Variants in LRRC4C observed in about 807,000 individuals in gnomAD.
The protein encoded by LRRC4C is leucine rich repeat containing 4C, also known as leucine-rich repeat-containing protein 4C.
In LRRC4C, 5 loss-of-function variants were observed where a neutral mutation model predicts 33.6. The observed-to-expected ratio is 0.15, with a 90% confidence interval of 0.08 to 0.31. The LOEUF is 0.31. LRRC4C is among the 10% of genes least tolerant of loss of function. The pLI is 1.00. For missense variants in LRRC4C, 560 were observed against 796.7 expected, an observed-to-expected ratio of 0.70 and a Z score of 3.58; for synonymous variants, 329 against 302.0, an observed-to-expected ratio of 1.09 and a Z score of -0.93.
chr11:40,131,197 T>C (rs1856621647), intron 6 of LRRC4C, among the ~76,000 whole-genome samples: 1 of 152,196 alleles, frequency 6.6e-6, no homozygotes, highest in Non-Finnish European at 1.5e-5. Flanking sequence ...ACTAATTTTA[T>C]AAAAACATAA....
chr11:41,440,215 G>A (rs1217567588), intron 1 of LRRC4C, among the ~76,000 whole-genome samples: 1 of 151,974 alleles, frequency 6.6e-6, no homozygotes, highest in Admixed American at 6.6e-5. Context: ...CATGGGTCCA[G>A]TTTCATTTTT....
At chr11:41,006,768 A>C (rs1447268481) in intron 1 of LRRC4C, among the ~76,000 whole-genome samples, 2 of 152,170 alleles carry the variant, frequency 1.3e-5, no homozygotes, top group African/African-American at 4.8e-5. Flanking sequence ...TAACACTGGA[A>C]ATTCTTTGTA....
At chr11:40,913,737 C>A (rs899302425) in intron 2 of LRRC4C, among the ~76,000 whole-genome samples, 3 of 152,030 alleles carry the variant, frequency 2.0e-5, no homozygotes, top group Admixed American at 1.3e-4. Flanking sequence ...AAAAACCCTT[C>A]AAAAAATCAG....
chr11:40,854,946 G>A lies in LRRC4C; in HGVS notation c.-407+78689C>T, dbSNP rs79616248. Among the ~76,000 whole-genome samples the A allele has an allele frequency of 1.9e-3, 290 of 152,168 alleles. 2 individuals are homozygous for A. The highest frequency in any genetic ancestry group is 6.8e-3 in the African/African-American group (282 of 41,550). On this transcript the variant is annotated intron_variant, in intron 2 of 6. Transcript: ENST00000528697. ...TTGGCCAAATATAAAAGACACATAT[G>A]CTAAAACGAATATTTAGAAAAAGAT...
At chr11:40,320,977 G>GA (rs368867914) in intron 3 of LRRC4C, among the ~76,000 whole-genome samples, 2 of 151,896 alleles carry the variant, frequency 1.3e-5, no homozygotes, top group Non-Finnish European at 2.9e-5. Flanking sequence ...TGTATTACTT[G>GA]AAAAAAAATT....
chr11:41,010,307 C>A (rs1855080329), intron 1 of LRRC4C, among the ~76,000 whole-genome samples: 1 of 152,100 alleles, frequency 6.6e-6, no homozygotes, highest in Admixed American at 6.6e-5. Context: ...GCCATGCAGT[C>A]TTTTGAGTAC....
intron 1 of LRRC4C, among the ~76,000 whole-genome samples, chr11:41,023,224 A>G (rs1856107885): frequency 6.6e-6 from 1 of 151,882 alleles, no homozygotes; most frequent in South Asian, 2.1e-4. Flanking sequence ...TATAAATCAT[A>G]TTAACAAATT....
At chr11:41,017,069 C>G (rs571871922) in intron 1 of LRRC4C, among the ~76,000 whole-genome samples, 1 of 152,196 alleles carries the variant, frequency 6.6e-6, no homozygotes, top group East Asian at 1.9e-4. Flanking sequence ...AATTTGAAAT[C>G]AAGAGAGCAT....
chr11:40,549,187 C>T (rs1394162013), intron 3 of LRRC4C, among the ~76,000 whole-genome samples: 2 of 152,082 alleles, frequency 1.3e-5, no homozygotes, highest in Admixed American at 1.3e-4. Flanking sequence ...AGATTTCCTT[C>T]CTTTATAACC....
chr11:41,029,097 T>C (rs777834772), intron 1 of LRRC4C, among the ~76,000 whole-genome samples: 18 of 151,786 alleles, frequency 1.2e-4, no homozygotes, highest in Non-Finnish European at 1.9e-4. Context: ...ACATGGTTTG[T>C]ACAGTTGATG....
intron 2 of LRRC4C, among the ~76,000 whole-genome samples, chr11:40,890,874 A>G (rs952235317): frequency 6.6e-6 from 1 of 152,172 alleles, no homozygotes; most frequent in Non-Finnish European, 1.5e-5. Flanking sequence ...AACATATCCA[A>G]TGTCAAAAAG....
At chr11:40,961,630 A>G (rs2136875099) in intron 1 of LRRC4C, among the ~76,000 whole-genome samples, 1 of 151,872 alleles carries the variant, frequency 6.6e-6, no homozygotes, top group Admixed American at 6.6e-5. Flanking sequence ...GTGTCTATAC[A>G]AGGTCTACGA....
At chr11:40,918,633 A>G (rs1293033471) in intron 2 of LRRC4C, among the ~76,000 whole-genome samples, 2 of 152,076 alleles carry the variant, frequency 1.3e-5, no homozygotes, top group Non-Finnish European at 2.9e-5. Context: ...CTTTTTAAAT[A>G]GGAAGAAGAG....
rs190308124 is a variant in LRRC4C at position 41,115,177 on chromosome 11, T to C, written c.-495-181454A>G. Among the ~76,000 whole-genome samples the C allele has an allele frequency of 2.6e-5, 4 of 152,212 alleles. No homozygotes were observed. In the East Asian group the frequency reaches 7.7e-4, roughly 29 times the overall value. On this transcript the variant is annotated intron_variant, in intron 1 of 6. Transcript: ENST00000528697. ...TTTCAGAAAGACTTAAAGAACAAAC[T>C]GTAACTACATTACTAAAACTTTCAG...
chr11:40,478,034 G>A (rs542428932), intron 3 of LRRC4C, among the ~76,000 whole-genome samples: 148 of 152,272 alleles, frequency 9.7e-4, no homozygotes, highest in Non-Finnish European at 1.8e-3. Context: ...ATCCACGTAA[G>A]ACATGACTTG....
At chr11:41,394,578 T>C (rs1248015115) in intron 1 of LRRC4C, 1 of 151,970 alleles carries the variant, frequency 6.6e-6, no homozygotes, top group Non-Finnish European at 1.5e-5. Context: ...ATTTGATCCT[T>C]GTGGTAAAAA....
Position 40,116,163 on chromosome 11 carries a change from C to G in LRRC4C, c.130G>C (p.Ala44Pro). 6.2e-7 allele frequency: 1 copy of G among 1,613,860 alleles called. No individual in the cohort carries two copies. Among genetic ancestry groups the G allele is most frequent in the Non-Finnish European group, 8.5e-7 (1 of 1,179,934 alleles). Reference protein sequence around the residue: ...QLLVVAGLVRAQTCPSVCSCS... With the variant: ...QLLVVAGLVRPQTCPSVCSCS... ...GAGCACACAGAAGGGCAGGTCTGAGCCCGCACCAGACCAGCCACCACAAGA... is the reference window on the plus strand; with the variant it reads ...GAGCACACAGAAGGGCAGGTCTGAGGCCGCACCAGACCAGCCACCACAAGA... The change falls in exon 7 of 7, where the codon GCT becomes CCT. Residue 44 changes from alanine (A) to proline (P), a missense_variant. Ala to Pro is a conservative substitution (Grantham distance 27). Transcript: ENST00000528697.
intron 1 of LRRC4C, among the ~76,000 whole-genome samples, chr11:41,246,966 G>T (rs1948475109): frequency 1.3e-5 from 2 of 152,198 alleles, no homozygotes; most frequent in African/African-American, 4.8e-5. Context: ...CTCTGAAAAT[G>T]CCACTTACTG....
intron 1 of LRRC4C, among the ~76,000 whole-genome samples, chr11:40,973,810 T>C (rs1851896866): frequency 6.6e-6 from 1 of 152,084 alleles, no homozygotes; most frequent in Admixed American, 6.5e-5. Flanking sequence ...TGTTGATTTT[T>C]AAAGCCTTTT....
Sources: gnomAD v4.1 joint callset for allele counts (sites outside exome capture counted in the v4.1 genomes callset) on GRCh38, gnomAD v4.1.1 for gene constraint, MANE v1.5 for transcripts, NCBI Gene and HGNC (gene_info 2026-07-23, HGNC 2026-07-21) for gene names.